FMN2: variants seen among roughly 807,000 people sequenced by gnomAD.
FMN2 encodes the protein formin-2.
Under a neutral mutation model 142.3 loss-of-function variants are expected in FMN2, and 51 were observed. The ratio of observed to expected loss-of-function variants is 0.36; its 90% CI spans 0.29 to 0.45. The LOEUF (loss-of-function observed/expected upper bound fraction) is 0.45, where lower values mean the gene tolerates loss of function less well. Ranked by LOEUF, FMN2 falls within the 20% of genes least tolerant of loss-of-function variation. FMN2 has a pLI of 1.00. For missense variants in FMN2, 1,936 were observed against 2,122.8 expected, an observed-to-expected ratio of 0.91 and a Z score of 1.73; for synonymous variants, 882 against 869.8, an observed-to-expected ratio of 1.01 and a Z score of -0.25.
At chr1:240,271,091 C>A (rs1668989716) in intron 7 of FMN2, among the ~76,000 whole-genome samples, 1 of 83,672 alleles carries the variant, frequency 1.2e-5, no homozygotes, top group African/African-American at 5.7e-5. Context: ...AGGAACTTTC[C>A]ACGATGGTTT....
rs1669212767 is a variant in FMN2, at chr1:240,276,400, G to A, written c.4153+18368G>A. Among the ~76,000 whole-genome samples, 3 of 152,276 alleles carry A rather than the reference G, an allele frequency of 2.0e-5. No homozygotes were observed. In the South Asian group the frequency reaches 6.2e-4, roughly 32 times the overall value. ...GTTAAGAATGTGTGTTAGGATGTAAGGGAAGAGTGTGAGGGACAATATAAT... is the reference window on the plus strand; with the variant it reads ...GTTAAGAATGTGTGTTAGGATGTAAAGGAAGAGTGTGAGGGACAATATAAT... On this transcript the variant is annotated intron_variant, in intron 7 of 17. Coordinates refer to ENST00000319653, the MANE Select transcript of FMN2 (RefSeq NM_020066.5).
intron 15 of FMN2, among the ~76,000 whole-genome samples, chr1:240,399,615 A>T (rs1673904677): frequency 6.6e-6 from 1 of 152,210 alleles, no homozygotes; most frequent in South Asian, 2.1e-4. Context: ...AGGCTGCCAG[A>T]ATTACTCATT....
intron 8 of FMN2, among the ~76,000 whole-genome samples, chr1:240,325,553 G>GAAATATTTTT (rs112290126): frequency 6.6e-6 from 1 of 151,784 alleles, no homozygotes; most frequent in Admixed American, 6.6e-5. Flanking sequence ...CCTAGTGTCA[G>GAAATATTTTT]TTAACTCCAA....
intron 16 of FMN2, among the ~76,000 whole-genome samples, chr1:240,438,690 C>A (rs1221639694): frequency 3.3e-5 from 5 of 152,240 alleles, no homozygotes; most frequent in African/African-American, 7.2e-5. Flanking sequence ...TTTCAAGATT[C>A]TTGTAGAATT....
At chr1:240,296,438 C>CTTTTTTTTTTTTTTTTTTTT (rs772711130) in intron 8 of FMN2, among the ~76,000 whole-genome samples, 12 of 46,916 alleles carry the variant, frequency 2.6e-4, no homozygotes, top group Admixed American at 3.2e-4. Flanking sequence ...TCTTTGAGTG[C>CTTTTTTTTTTTTTTTTTTTT]TTTTTTTTTT....
chr1:240,152,362 T>C (rs1391587488), intron 2 of FMN2, among the ~76,000 whole-genome samples: 1 of 152,064 alleles, frequency 6.6e-6, no homozygotes, highest in Non-Finnish European at 1.5e-5. Context: ...TAACTCAAAA[T>C]TGGTTTCCTT....
intron 14 of FMN2, among the ~76,000 whole-genome samples, chr1:240,376,569 C>T (rs1481446591): frequency 8.5e-5 from 13 of 152,048 alleles, no homozygotes; most frequent in Admixed American, 7.9e-4. Flanking sequence ...TCTTGTCATT[C>T]TTCTCCAAAC....
Position 240,376,600 on chromosome 1 carries a change from T to C in FMN2, c.4859-15911T>C, listed in dbSNP as rs143114064. On this transcript the variant is annotated intron_variant, in intron 14 of 17. Coordinates refer to ENST00000319653, the MANE Select transcript of FMN2 (RefSeq NM_020066.5). ...CAAACAATACAGCATAACAACTGTT[T>C]ACATAGTATTTATATTATATTACAT... is the stretch of plus-strand genomic sequence containing the variant. Among the ~76,000 whole-genome samples, 153 of 152,284 alleles carry C rather than the reference T, an allele frequency of 1.0e-3. 3 individuals are homozygous for C. In the East Asian group the frequency reaches 0.024, roughly 24 times the overall value.
At chr1:240,451,817 A>G (rs1315709727) in intron 16 of FMN2, among the ~76,000 whole-genome samples, 1 of 152,040 alleles carries the variant, frequency 6.6e-6, no homozygotes, top group East Asian at 1.9e-4. Context: ...CTGTCATTAT[A>G]TTAATGATTT....
At chr1:240,266,060 CAG>C (rs913574650) in intron 7 of FMN2, among the ~76,000 whole-genome samples, 26 of 137,260 alleles carry the variant, frequency 1.9e-4, no homozygotes, top group African/African-American at 6.8e-4. Flanking sequence ...ATTTTTGATT[CAG>C]GGGTACATGT....
rs188563294 is a variant in FMN2, at chr1:240,353,585, A to T, written c.4766-2231A>T. Reference sequence around the variant, plus strand: ...AGTGGGGCAGAAGACACATAGTTACAAATAACTTTAATATAGTGTGGTAGT... The same window carrying T: ...AGTGGGGCAGAAGACACATAGTTACTAATAACTTTAATATAGTGTGGTAGT... On this transcript the variant is annotated intron_variant, in intron 13 of 17. Transcript: ENST00000319653. Among the ~76,000 whole-genome samples, 26 of 152,348 alleles carry T rather than the reference A, an allele frequency of 1.7e-4. No individual in the cohort carries two copies. In the East Asian group the frequency reaches 2.5e-3, roughly 15 times the overall value.
intron 14 of FMN2, among the ~76,000 whole-genome samples, chr1:240,383,855 G>A (rs918820199): frequency 1.3e-5 from 2 of 150,406 alleles, no homozygotes; most frequent in African/African-American, 4.9e-5. Flanking sequence ...TCCATCAACA[G>A]CATCACAACA....
At chr1:240,323,377 G>T (rs1031485247) in intron 8 of FMN2, among the ~76,000 whole-genome samples, 1 of 152,044 alleles carries the variant, frequency 6.6e-6, no homozygotes, top group Non-Finnish European at 1.5e-5. Flanking sequence ...TGTATTTTTA[G>T]TAGAGACAGG....
At chr1:240,306,011 G>T (rs58186605) in intron 8 of FMN2, among the ~76,000 whole-genome samples, 2 of 149,974 alleles carry the variant, frequency 1.3e-5, no homozygotes, top group Non-Finnish European at 3.0e-5. Context: ...GTGCGGTGAC[G>T]TGATCTCGGC....
At chr1:240,433,040 A>T (rs1675229151) in intron 15 of FMN2, among the ~76,000 whole-genome samples, 1 of 152,144 alleles carries the variant, frequency 6.6e-6, no homozygotes, top group African/African-American at 2.4e-5. Flanking sequence ...AGTTCTCTTG[A>T]CTACTGAGAA....
intron 16 of FMN2, among the ~76,000 whole-genome samples, chr1:240,448,483 A>G (rs764108329): frequency 4.6e-5 from 7 of 152,212 alleles, no homozygotes; most frequent in Non-Finnish European, 1.0e-4. Context: ...TGTAATACAT[A>G]GGACCTTTAT....
rs116301519 is a variant in FMN2 at position 240,249,256 on chromosome 1, G to A, written c.4066-8689G>A. ...AGTCTTGCCTTTAAGTTGTTAATCCGTCTTGCACTGATTTTGTATATGGTG... is the reference window on the plus strand; with the variant it reads ...AGTCTTGCCTTTAAGTTGTTAATCCATCTTGCACTGATTTTGTATATGGTG... On this transcript the variant is annotated intron_variant, in intron 6 of 17. Transcript: ENST00000319653. Among the ~76,000 whole-genome samples, 220 of 151,972 alleles carry A rather than the reference G, an allele frequency of 1.4e-3. 1 individual carries two copies. The highest frequency in any genetic ancestry group is 5.1e-3 in the African/African-American group (211 of 41,496).
At chr1:240,282,583 G>C (rs992158944) in intron 7 of FMN2, among the ~76,000 whole-genome samples, 4 of 152,166 alleles carry the variant, frequency 2.6e-5, no homozygotes, top group Non-Finnish European at 4.4e-5. Context: ...TCACGAGCGT[G>C]TGTGCAGGGT....
At chr1:240,371,140 G>T (rs1164967432) in intron 14 of FMN2, among the ~76,000 whole-genome samples, 1 of 149,982 alleles carries the variant, frequency 6.7e-6, no homozygotes, top group African/African-American at 2.5e-5. Context: ...GTTTTTTTTT[G>T]GTAGAGACGA....
Sources: allele counts gnomAD v4.1 joint callset (sites outside exome capture counted in the v4.1 genomes callset), GRCh38; gene constraint gnomAD v4.1.1; transcripts MANE v1.5; gene names NCBI Gene and HGNC (gene_info 2026-07-23, HGNC 2026-07-21).